The following CSMD1 variants were observed in gnomAD, a reference collection of about 807,000 sequenced individuals.
The protein encoded by CSMD1 is CUB and sushi domain-containing protein 1.
A neutral mutation model predicts 417.5 loss-of-function variants in CSMD1; 213 were observed. The ratio of observed to expected loss-of-function variants is 0.51; its 90% confidence interval spans 0.46 to 0.57. The LOEUF (loss-of-function observed/expected upper bound fraction) is 0.57. Among genes scored for constraint, CSMD1 ranks in the 20% least tolerant of loss-of-function variants. CSMD1 has a pLI of 0.00. For synonymous variants in CSMD1, 2,862 were observed against 1,736.8 expected (o/e 1.65, Z -16.11); for missense variants, 6,923 against 4,529.7 (o/e 1.53, Z -15.17).
intron 7 of CSMD1, among the ~76,000 whole-genome samples, chr8:3,692,921 A>G (rs1455294526): frequency 6.6e-6 from 1 of 152,212 alleles, no homozygotes; most frequent in Non-Finnish European, 1.5e-5. Context: ...TTCAATTATC[A>G]AAATAGAAGG....
At chr8:4,477,562 T>A (rs999874958) in intron 2 of CSMD1, among the ~76,000 whole-genome samples, 4 of 152,320 alleles carry the variant, frequency 2.6e-5, no homozygotes, top group African/African-American at 9.6e-5. Flanking sequence ...TAAATGTACA[T>A]CTTTTTTTAA....
At chr8:3,712,319 T>G (rs1801562172) in intron 6 of CSMD1, among the ~76,000 whole-genome samples, 2 of 151,926 alleles carry the variant, frequency 1.3e-5, no homozygotes, top group African/African-American at 4.8e-5. Flanking sequence ...CCCTCGCCTC[T>G]TCCTCCCTCC....
At chr8:4,525,523 T>C (rs918832909) in intron 2 of CSMD1, among the ~76,000 whole-genome samples, 6 of 152,200 alleles carry the variant, frequency 3.9e-5, no homozygotes, top group African/African-American at 1.4e-4. Flanking sequence ...AGTAAAACAG[T>C]ATTTACTCTT....
Position 3,188,917 on chromosome 8 carries a change from C to A in CSMD1, c.5493G>T (p.Lys1831Asn). 6.3e-7 allele frequency: 1 copy of A among 1,598,588 alleles called. No homozygotes were observed. The highest frequency in any genetic ancestry group is 8.5e-7 in the Non-Finnish European group (1 of 1,172,084). ...PYGNNLNCIW[K>N]IIVTEGSGIQ... ...TTCCCGAGCCCTCCGTAACTATGAT[C>A]TTCCATATACAGTTCAAGTTGTTTC... Residue 1831 changes from lysine (K) to asparagine (N), a missense_variant, in exon 35 of 70, where the codon AAG becomes AAT. By Grantham distance (94) the Lys-to-Asn change is moderately conservative. Coordinates refer to ENST00000635120, the MANE Select transcript of CSMD1 (RefSeq NM_033225.6).
At chr8:2,982,193 TAAA>T (rs1329871067) in intron 54 of CSMD1, among the ~76,000 whole-genome samples, 2 of 151,910 alleles carry the variant, frequency 1.3e-5, no homozygotes, top group Non-Finnish European at 2.9e-5. Flanking sequence ...CCATCTCTAT[TAAA>T]AATACAAAAA....
At chr8:3,769,583 A>ACG (rs1440940093) in intron 5 of CSMD1, among the ~76,000 whole-genome samples, 3 of 152,090 alleles carry the variant, frequency 2.0e-5, no homozygotes, top group African/African-American at 7.2e-5. Flanking sequence ...AGATATGTAC[A>ACG]CGCAGATATA....
chr8:3,254,237 G>C (rs1800479484), intron 26 of CSMD1, among the ~76,000 whole-genome samples: 1 of 152,212 alleles, frequency 6.6e-6, no homozygotes, highest in East Asian at 1.9e-4. Flanking sequence ...TTTCTGTCGA[G>C]AGATCAGCTG....
chr8:4,848,104 T>G (rs1801250378), intron 1 of CSMD1, among the ~76,000 whole-genome samples: 1 of 152,200 alleles, frequency 6.6e-6, no homozygotes, highest in Non-Finnish European at 1.5e-5. Flanking sequence ...TGTGTTATTT[T>G]TTTTGGATAT....
At chr8:4,072,377 C>T (rs1044715820) in intron 3 of CSMD1, among the ~76,000 whole-genome samples, 4 of 152,120 alleles carry the variant, frequency 2.6e-5, no homozygotes, top group African/African-American at 4.8e-5. Context: ...AGCTACCTGC[C>T]TTTAGTTTAC....
At chr8:4,378,176 T>A (rs899078420) in intron 3 of CSMD1, among the ~76,000 whole-genome samples, 1 of 152,208 alleles carries the variant, frequency 6.6e-6, no homozygotes, top group Non-Finnish European at 1.5e-5. Flanking sequence ...CTCTAGATAT[T>A]GCGACTCTAA....
chr8:4,786,144 T>C (rs1005247395), intron 1 of CSMD1, among the ~76,000 whole-genome samples: 4 of 152,230 alleles, frequency 2.6e-5, no homozygotes, highest in African/African-American at 7.2e-5. Flanking sequence ...AAATGGATTT[T>C]AACAGCCACT....
intron 5 of CSMD1, among the ~76,000 whole-genome samples, chr8:3,876,950 A>C (rs1199230542): frequency 6.6e-6 from 1 of 152,190 alleles, no homozygotes; most frequent in Non-Finnish European, 1.5e-5. Flanking sequence ...ATTTATTTAG[A>C]AGCACAAGAA....
intron 3 of CSMD1, among the ~76,000 whole-genome samples, chr8:4,333,139 C>T (rs1472071251): frequency 6.6e-6 from 1 of 152,024 alleles, no homozygotes; most frequent in Non-Finnish European, 1.5e-5. Context: ...CCAGCAACAC[C>T]TGATTGAACA....
chr8:4,934,047 C>G (rs1281813595), intron 1 of CSMD1, among the ~76,000 whole-genome samples: 1 of 151,836 alleles, frequency 6.6e-6, no homozygotes, highest in African/African-American at 2.4e-5. Flanking sequence ...TAAATGTGTT[C>G]TAGCATGAAT....
At chr8:4,283,429 T>A (rs1796896540) in intron 3 of CSMD1, among the ~76,000 whole-genome samples, 1 of 152,180 alleles carries the variant, frequency 6.6e-6, no homozygotes, top group Non-Finnish European at 1.5e-5. Context: ...TTCATCTGGG[T>A]ACAGGATTTC....
At chr8:3,431,555 A>G (rs1351879212) in intron 12 of CSMD1, among the ~76,000 whole-genome samples, 1 of 152,076 alleles carries the variant, frequency 6.6e-6, no homozygotes, top group Non-Finnish European at 1.5e-5. Context: ...CATCCCTTGT[A>G]TGAGAGTTAA....
At position 4,588,891 on chromosome 8, in the gene CSMD1, C is replaced by T. The variant is rs568342837; in HGVS notation, c.302+48451G>A. ...CGCGAATGTGATGTGGCATTAAAAACACTCCAGGGTGCCCTTTCACTTGGA... is the reference window on the plus strand; with the variant it reads ...CGCGAATGTGATGTGGCATTAAAAATACTCCAGGGTGCCCTTTCACTTGGA... On this transcript the variant is annotated intron_variant, in intron 2 of 69. Coordinates refer to ENST00000635120, the MANE Select transcript of CSMD1 (RefSeq NM_033225.6). Among the ~76,000 whole-genome samples, 7 of 152,212 alleles carry T rather than the reference C, an allele frequency of 4.6e-5. No homozygotes were observed. The South Asian group carries it at 1.5e-3, about 32-fold the overall frequency.
chr8:4,822,663 G>C (rs187311286), intron 1 of CSMD1, among the ~76,000 whole-genome samples: 143 of 152,134 alleles, frequency 9.4e-4, no homozygotes, highest in African/African-American at 3.3e-3. Flanking sequence ...TTTGTTCACA[G>C]TATTTATTTA....
At chr8:4,728,476 T>A (rs1479879617) in intron 1 of CSMD1, among the ~76,000 whole-genome samples, 1 of 151,964 alleles carries the variant, frequency 6.6e-6, no homozygotes, top group African/African-American at 2.4e-5. Context: ...CACAGCAGAG[T>A]GCTGCCATGT....
Sources: gnomAD v4.1 joint callset for allele counts (sites outside exome capture counted in the v4.1 genomes callset) on GRCh38, gnomAD v4.1.1 for gene constraint, MANE v1.5 for transcripts, NCBI Gene and HGNC (gene_info 2026-07-23, HGNC 2026-07-21) for gene names.